The following FRMPD4 variants were observed in gnomAD, a reference collection of about 807,000 sequenced individuals.
FRMPD4 encodes the protein FERM and PDZ domain-containing protein 4.
In FRMPD4, 22 loss-of-function variants were observed where a neutral mutation model predicts 94.1. The observed-to-expected ratio is 0.23, with a 90% CI of 0.17 to 0.33. FRMPD4 has a LOEUF of 0.33. Ranked by LOEUF, FRMPD4 falls within the 10% of genes least tolerant of loss-of-function variation. The pLI, the probability that FRMPD4 is intolerant of heterozygous loss-of-function variation, is 1.00. For missense variants in FRMPD4, 1,111 were observed against 1,339.9 expected, an observed-to-expected ratio of 0.83 and a Z score of 2.67; for synonymous variants, 631 against 548.6, an observed-to-expected ratio of 1.15 and a Z score of -2.10.
intron 3 of FRMPD4, among the ~76,000 whole-genome samples, chrX:12,040,081 T>G (rs2054744595): frequency 9.0e-6 from 1 of 111,619 alleles, no homozygotes; most frequent in Admixed American, 9.5e-5. Context: ...CGTCTAAGTC[T>G]TCTACATCTT....
At chrX:12,238,393 C>T (rs1461385728) in intron 1 of FRMPD4, among the ~76,000 whole-genome samples, 1 of 111,669 alleles carries the variant, frequency 9.0e-6, no homozygotes, top group African/African-American at 3.3e-5. Context: ...CCCCGACCAG[C>T]CTCCCAAAGT....
Position 12,231,010 on chromosome X carries a change from G to GTATGTATATATA in FRMPD4, c.41+92001_41+92002insGTATATATATAT, listed in dbSNP as rs1555938195. On this transcript the variant is annotated intron_variant, in intron 1 of 16. Coordinates refer to ENST00000675598, the MANE Select transcript of FRMPD4 (RefSeq NM_001368397.1). Reference sequence around the variant, plus strand: ...GTATATATAGTATATATAATATATAGTATATATAGTATATATATAGTATAT... The same window carrying GTATGTATATATA: ...GTATATATAGTATATATAATATATAGTATGTATATATATATATATAGTATATATATAGTATAT... Among the ~76,000 whole-genome samples the GTATGTATATATA allele has an allele frequency of 3.1e-3, 122 of 39,060 alleles. 4 individuals are homozygous for GTATGTATATATA. The highest frequency in any genetic ancestry group is 4.7e-3 in the East Asian group (7 of 1,503). 33.9% of individuals were successfully genotyped at this position (39,060 alleles called of 115,157 possible). A position where few individuals can be genotyped will look rare whatever the true frequency, so the allele number is the denominator to read the frequency against.
intron 4 of FRMPD4, among the ~76,000 whole-genome samples, chrX:12,665,008 T>C (rs951025157): frequency 8.9e-6 from 1 of 112,051 alleles, no homozygotes; most frequent in Non-Finnish European, 1.9e-5. Context: ...TTGATAGTAT[T>C]CTCTGATGGT....
At chrX:12,225,979 A>C (rs1276242724) in intron 1 of FRMPD4, among the ~76,000 whole-genome samples, 1 of 111,817 alleles carries the variant, frequency 8.9e-6, no homozygotes, top group African/African-American at 3.3e-5. Flanking sequence ...GATAGTAGCT[A>C]CCTCCTGGGA....
intron 3 of FRMPD4, among the ~76,000 whole-genome samples, chrX:11,878,239 C>T (rs1267285000): frequency 3.6e-5 from 4 of 112,057 alleles, no homozygotes; most frequent in Non-Finnish European, 5.6e-5. Context: ...CATGAATATC[C>T]TGTAAAACAG....
chrX:12,113,762 G>T (rs1398522978), intron 3 of FRMPD4, among the ~76,000 whole-genome samples: 2 of 111,879 alleles, frequency 1.8e-5, no homozygotes, highest in African/African-American at 6.5e-5. Flanking sequence ...TGCAGAAGGG[G>T]GCATTATTCT....
chrX:12,178,338 A>G (rs1193940448), intron 1 of FRMPD4, among the ~76,000 whole-genome samples: 1 of 111,685 alleles, frequency 9.0e-6, no homozygotes, highest in Non-Finnish European at 1.9e-5. Context: ...ACAAACTAAG[A>G]CACCTACCAT....
intron 3 of FRMPD4, among the ~76,000 whole-genome samples, chrX:11,984,501 T>C (rs1022770252): frequency 8.9e-6 from 1 of 112,678 alleles, no homozygotes; most frequent in Non-Finnish European, 1.9e-5. Context: ...TCTGCTCTTG[T>C]CTGCAGCTGA....
At chrX:12,481,968 A>G (rs1305540285) in intron 1 of FRMPD4, among the ~76,000 whole-genome samples, 1 of 100,825 alleles carries the variant, frequency 9.9e-6, no homozygotes, top group East Asian at 3.1e-4. Flanking sequence ...AAAAAAAAAA[A>G]AAAGAAAGTG....
chrX:12,200,793 A>G (rs1033755989), intron 1 of FRMPD4, among the ~76,000 whole-genome samples: 9 of 112,740 alleles, frequency 8.0e-5, no homozygotes, highest in Admixed American at 1.9e-4. Flanking sequence ...TATTTAACTC[A>G]TTATTAATGA....
intron 1 of FRMPD4, among the ~76,000 whole-genome samples, chrX:12,157,176 C>T (rs911776465): frequency 2.7e-5 from 3 of 111,807 alleles, no homozygotes; most frequent in Non-Finnish European, 5.6e-5. Flanking sequence ...TTTGATAAAA[C>T]CTGATTGTTT....
chrX:11,970,384 G>A (rs755298558), intron 3 of FRMPD4, among the ~76,000 whole-genome samples: 1 of 111,943 alleles, frequency 8.9e-6, no homozygotes, highest in South Asian at 3.8e-4. Context: ...CCACATGTGC[G>A]CAAGCTTTTT....
intron 1 of FRMPD4, among the ~76,000 whole-genome samples, chrX:12,192,685 A>G (rs1357012271): frequency 8.9e-6 from 1 of 111,959 alleles, no homozygotes; most frequent in Non-Finnish European, 1.9e-5. Flanking sequence ...AAGAACAGTG[A>G]TTCCCAAATG....
chrX:12,039,288 T>C (rs1013210992), intron 3 of FRMPD4, among the ~76,000 whole-genome samples: 1 of 110,183 alleles, frequency 9.1e-6, no homozygotes, highest in Non-Finnish European at 1.9e-5. Flanking sequence ...CATGGGATTA[T>C]AGGTGTAAAC....
intron 2 of FRMPD4, among the ~76,000 whole-genome samples, chrX:12,581,805 C>G (rs1424995063): frequency 8.9e-6 from 1 of 112,018 alleles, no homozygotes; most frequent in African/African-American, 3.2e-5. Flanking sequence ...ATGCCCTTCT[C>G]TCAGGTATCC....
chrX:12,285,878 TATTTAGGACAATTC>T (rs2054593179), intron 1 of FRMPD4, among the ~76,000 whole-genome samples: 1 of 111,951 alleles, frequency 8.9e-6, no homozygotes, highest in Admixed American at 9.5e-5. Context: ...TATGTACTTG[TATTTAGGACAATTC>T]TGTGGACAAA....
chrX:11,913,219 T>C (rs769728320), intron 3 of FRMPD4, among the ~76,000 whole-genome samples: 2 of 112,302 alleles, frequency 1.8e-5, no homozygotes, highest in South Asian at 7.5e-4. Context: ...TTTTGGTGAG[T>C]ACAGTCAGGA....
At chrX:12,132,684 G>C (rs1225022798) in intron 3 of FRMPD4, among the ~76,000 whole-genome samples, 1 of 111,093 alleles carries the variant, frequency 9.0e-6, no homozygotes, top group Non-Finnish European at 1.9e-5. Flanking sequence ...TGTCACCTAA[G>C]ACATGTGAAG....
intron 1 of FRMPD4, among the ~76,000 whole-genome samples, chrX:12,378,253 G>A (rs764788586): frequency 2.7e-5 from 3 of 112,463 alleles, no homozygotes; most frequent in Non-Finnish European, 3.8e-5. Context: ...TATTTTAGTC[G>A]TTGTTCTTCT....
Sources: gnomAD v4.1 joint callset for allele counts (sites outside exome capture counted in the v4.1 genomes callset) on GRCh38, gnomAD v4.1.1 for gene constraint, MANE v1.5 for transcripts, NCBI Gene and HGNC (gene_info 2026-07-23, HGNC 2026-07-21) for gene names.